Variants in CFAP61 observed in about 807,000 individuals in gnomAD.
The protein encoded by CFAP61 is cilia and flagella associated protein 61.
In CFAP61, 107 loss-of-function variants were observed where a neutral mutation model predicts 135.6. The observed-to-expected ratio is 0.79, with a 90% CI of 0.67 to 0.93. The LOEUF is 0.93. Ranked by LOEUF, CFAP61 falls within the 40% of genes least tolerant of loss-of-function variation. The pLI is 0.00. For missense variants in CFAP61, 1,507 were observed against 1,556.2 expected, an observed-to-expected ratio of 0.97 and a Z score of 0.53; for synonymous variants, 575 against 578.5, an observed-to-expected ratio of 0.99 and a Z score of 0.09.
At chr20:20,104,311 T>G (rs768723120) in intron 8 of CFAP61, among the ~76,000 whole-genome samples, 1 of 152,216 alleles carries the variant, frequency 6.6e-6, no homozygotes, top group Admixed American at 6.5e-5. Context: ...ATTTCAATTT[T>G]ATGTCTTGTT....
At chr20:20,214,006 G>C (rs949882770) in intron 17 of CFAP61, among the ~76,000 whole-genome samples, 3 of 151,856 alleles carry the variant, frequency 2.0e-5, no homozygotes, top group Admixed American at 2.0e-4. Context: ...ATGAGCAAAG[G>C]CTTCTTGGAG....
At chr20:20,077,754 G>C (rs113275268) in intron 6 of CFAP61, among the ~76,000 whole-genome samples, 2,650 of 152,316 alleles carry the variant, frequency 0.017, 78 homozygotes, top group African/African-American at 0.06. Flanking sequence ...GCAGTTGATT[G>C]AAAGGGTTTA....
chr20:20,155,830 A>G (rs1320007950), intron 9 of CFAP61, among the ~76,000 whole-genome samples: 1 of 152,176 alleles, frequency 6.6e-6, no homozygotes, highest in East Asian at 1.9e-4. Context: ...GGGAATGTAA[A>G]CTAGTACAAG....
intron 7 of CFAP61, among the ~76,000 whole-genome samples, chr20:20,091,337 A>C (rs981101675): frequency 6.6e-6 from 1 of 152,144 alleles, no homozygotes; most frequent in African/African-American, 2.4e-5. Flanking sequence ...ATTTTGTTTG[A>C]GTTGGAAAGG....
At chr20:20,214,820 T>C (rs966173321) in intron 17 of CFAP61, among the ~76,000 whole-genome samples, 13 of 152,238 alleles carry the variant, frequency 8.5e-5, no homozygotes, top group African/African-American at 3.1e-4. Flanking sequence ...CATCCTGCCC[T>C]CTGTCCCAAC....
Position 20,156,363 on chromosome 20 carries a change from T to C in CFAP61, c.952-3007T>C, listed in dbSNP as rs535233605. Among the ~76,000 whole-genome samples the C allele has an allele frequency of 1.8e-4, 27 of 152,282 alleles. No homozygotes were observed. In the South Asian group the frequency reaches 5.4e-3, roughly 30 times the overall value. ...TTGAAAATCTAACATTAATTCCTCA[T>C]AAAGACTCTTAGCACTTTTTCAATT... is the stretch of plus-strand genomic sequence containing the variant. On this transcript the variant is annotated intron_variant, in intron 9 of 26. Transcript: ENST00000245957.
intron 26 of CFAP61, among the ~76,000 whole-genome samples, chr20:20,355,960 G>A (rs1465460615): frequency 1.8e-5 from 2 of 113,666 alleles, no homozygotes; most frequent in African/African-American, 6.2e-5. Context: ...CACACTGTAA[G>A]GGGAGGTGAT....
rs11458923 is a variant in CFAP61, at chr20:20,059,326, C to CAAAA, written c.143+2553_143+2556dup. Among the ~76,000 whole-genome samples the CAAAA allele has an allele frequency of 3.6e-3, 165 of 45,482 alleles. 28 individuals carry two copies. In the East Asian group the frequency reaches 0.059, roughly 16 times the overall value. The allele number at this position is 45,482 out of a possible 152,430, so 29.8% of individuals were successfully genotyped here. On this transcript the variant is annotated intron_variant, in intron 2 of 26. Transcript: ENST00000245957. ...GCCTGGTGACAGAGAGACTCTGTCT[C>CAAAA]AAAAAAAAAAAAAAAAAAAAAAAAA...
At chr20:20,167,554 C>T (rs1001709775) in intron 12 of CFAP61, among the ~76,000 whole-genome samples, 2 of 151,996 alleles carry the variant, frequency 1.3e-5, no homozygotes, top group African/African-American at 2.4e-5. Flanking sequence ...GGAACATGGA[C>T]GACAGGAAAA....
At chr20:20,358,054 G>GTGAGGGGAGGTGGTTACAC (rs2059322003) in intron 26 of CFAP61, among the ~76,000 whole-genome samples, 2 of 147,382 alleles carry the variant, frequency 1.4e-5, no homozygotes, top group African/African-American at 2.6e-5. Flanking sequence ...TGGTCATAGT[G>GTGAGGGGAGGTGGTTACAC]TGAGGGGAGG....
At chr20:20,344,217 C>T (rs1229956982) in intron 26 of CFAP61, among the ~76,000 whole-genome samples, 2 of 152,158 alleles carry the variant, frequency 1.3e-5, no homozygotes, top group Non-Finnish European at 2.9e-5. Context: ...CGTGGCCAGC[C>T]GTCCCACCTC....
Position 20,074,286 on chromosome 20 carries a change from C to T in CFAP61, c.295-16C>T. On this transcript the variant is annotated splice_polypyrimidine_tract_variant and intron_variant, in intron 3 of 26. Coordinates refer to ENST00000245957, the MANE Select transcript of CFAP61 (RefSeq NM_015585.4). Reference sequence around the variant, plus strand: ...ACTGACTCAGCCTTTAATCCGTGTTCTCTCTTCTTCTGCAGCCCCTGAATA... The same window carrying T: ...ACTGACTCAGCCTTTAATCCGTGTTTTCTCTTCTTCTGCAGCCCCTGAATA... 6.2e-7 allele frequency: 1 copy of T among 1,612,282 alleles called. No individual in the cohort carries two copies.
intron 17 of CFAP61, among the ~76,000 whole-genome samples, chr20:20,200,345 T>C (rs1425972451): frequency 6.6e-6 from 1 of 152,068 alleles, no homozygotes; most frequent in African/African-American, 2.4e-5. Context: ...CCCCGGGTCC[T>C]AAGCTGGTTT....
intron 6 of CFAP61, among the ~76,000 whole-genome samples, chr20:20,089,250 C>T (rs1244138138): frequency 6.6e-6 from 1 of 152,166 alleles, no homozygotes; most frequent in African/African-American, 2.4e-5. Flanking sequence ...CTATTTCTGT[C>T]ATCTCAGGCA....
In CFAP61 at chr20:20,360,677, A is replaced by C; in HGVS notation, c.*267A>C. On this transcript the variant is annotated 3_prime_UTR_variant, in exon 27 of 27. Transcript: ENST00000245957. The stretch of plus-strand genomic sequence containing the variant: ...GCAGAATAATCCATTTCAGCAATAA[A>C]ATGAGATCATAGTGTGTAAAACTTG... The C allele has an allele frequency of 6.3e-6, 3 of 472,612 alleles. No homozygotes were observed. Among genetic ancestry groups the C allele is most frequent in the Non-Finnish European group, 1.1e-5 (3 of 267,636 alleles). 29.3% of individuals were successfully genotyped at this position (472,612 alleles called of 1,614,324 possible).
chr20:20,277,334 G>A lies in CFAP61; in HGVS notation c.2672G>A (p.Gly891Glu). ...GAGAGCGCCGTGGCGGACGCGCTAG[G>A]AGCCGCCGGAGTCACTATGTACCGG... ...SVESAVADAL[G>E]AAGVTMYRDA... Residue 891 changes from glycine (G) to glutamate (E), a missense_variant, in exon 22 of 27, where the codon GGA becomes GAA. Physicochemically the swap from Gly to Glu is moderately conservative, Grantham distance 98 (BLOSUM62 -2). Coordinates refer to ENST00000245957, the MANE Select transcript of CFAP61 (RefSeq NM_015585.4). 1.2e-6 allele frequency: 2 copies of A among 1,614,142 alleles called. No homozygotes were observed. Among genetic ancestry groups the A allele is most frequent in the South Asian group, 1.1e-5 (1 of 91,076 alleles).
chr20:20,123,239 C>G (rs921553939), intron 8 of CFAP61, among the ~76,000 whole-genome samples: 2 of 151,670 alleles, frequency 1.3e-5, no homozygotes, highest in Non-Finnish European at 2.9e-5. Flanking sequence ...ATTCTGCTAA[C>G]CGTTCCTTTT....
In CFAP61 at chr20:20,257,611, C is replaced by CA. The variant is rs1190448902; in HGVS notation, c.2329-5337dup. On this transcript the variant is annotated intron_variant, in intron 20 of 26. Transcript: ENST00000245957. ...CCTGGGCAACAGAGCAAGACTGTCT[C>CA]AAAAAAAACAAAAAAACAAAAAAAA... Among the ~76,000 whole-genome samples, 33 of 62,820 alleles carry CA rather than the reference C, an allele frequency of 5.3e-4. No homozygotes were observed. In the South Asian group the frequency reaches 7.6e-3, roughly 14 times the overall value. The allele number at this position is 62,820 out of a possible 152,430, so 41.2% of individuals were successfully genotyped here.
intron 17 of CFAP61, among the ~76,000 whole-genome samples, chr20:20,202,440 A>G (rs1445855106): frequency 2.0e-5 from 3 of 152,344 alleles, no homozygotes; most frequent in South Asian, 2.1e-4. Flanking sequence ...AGACATATTA[A>G]AAGTTTAATC....
Sources: allele counts gnomAD v4.1 joint callset (sites outside exome capture counted in the v4.1 genomes callset), GRCh38; gene constraint gnomAD v4.1.1; transcripts MANE v1.5; gene names NCBI Gene and HGNC (gene_info 2026-07-23, HGNC 2026-07-21).